Variants in WDPCP observed in about 807,000 individuals in gnomAD.
The protein encoded by WDPCP is WD repeat containing planar cell polarity effector, also known as WD repeat-containing and planar cell polarity effector protein fritz homolog.
Under a neutral mutation model 93.1 loss-of-function variants are expected in WDPCP, and 71 were observed. The observed-to-expected ratio is 0.76, with a 90% CI of 0.63 to 0.93. WDPCP has a LOEUF of 0.93. Ranked by LOEUF, WDPCP falls within the 40% of genes least tolerant of loss-of-function variation. The pLI, the probability that WDPCP is intolerant of heterozygous loss-of-function variation, is 0.00. For missense variants in WDPCP, 844 were observed against 887.4 expected (o/e 0.95, Z 0.62); for synonymous variants, 315 against 315.0 (o/e 1.00, Z 0.00).
intron 3 of WDPCP, among the ~76,000 whole-genome samples, chr2:63,633,391 A>G (rs1709885088): frequency 2.0e-5 from 3 of 152,244 alleles, no homozygotes; most frequent in Admixed American, 2.0e-4. Flanking sequence ...CTAAAGCTAC[A>G]TTAATTTGTT....
chr2:63,561,050 C>T (rs1448709869), intron 1 of WDPCP, among the ~76,000 whole-genome samples: 1 of 152,158 alleles, frequency 6.6e-6, no homozygotes, highest in Admixed American at 6.5e-5. Flanking sequence ...CTTTCCTACA[C>T]CTTATGCAAA....
In WDPCP at chr2:63,396,987, C is replaced by G. The variant is rs1473776082; in HGVS notation, c.1435+7061G>C. 2.0e-5 allele frequency among the ~76,000 whole-genome samples: 3 copies of G among 152,130 alleles called. No homozygotes were observed. The East Asian group carries it at 5.8e-4, about 29-fold the overall frequency. On this transcript the variant is annotated intron_variant, in intron 10 of 17. Transcript: ENST00000272321. The stretch of plus-strand genomic sequence containing the variant: ...TCTCCATCCATGTTCCCACAAAAGA[C>G]ATGAAGTATTTCAAGCTGGAGAATC...
intron 2 of WDPCP, among the ~76,000 whole-genome samples, chr2:63,668,997 C>A (rs1306203093): frequency 1.3e-5 from 2 of 152,128 alleles, no homozygotes; most frequent in Non-Finnish European, 2.9e-5. Flanking sequence ...TTTGGCTAGA[C>A]CCTGGTCAAC....
intron 2 of WDPCP, among the ~76,000 whole-genome samples, chr2:63,808,405 T>C (rs974943028): frequency 6.8e-6 from 1 of 147,116 alleles, no homozygotes; most frequent in Non-Finnish European, 1.5e-5. Context: ...GAAGCTGGAC[T>C]GTACTGCTGC....
At chr2:63,822,707 A>C (rs1209745087) in intron 1 of WDPCP, among the ~76,000 whole-genome samples, 1 of 151,944 alleles carries the variant, frequency 6.6e-6, no homozygotes, top group African/African-American at 2.4e-5. Flanking sequence ...GCAACATAGC[A>C]AGACCCTGTC....
rs1055592959 is a variant in WDPCP, at chr2:63,484,973, A to C, written c.268T>G (p.Trp90Gly). The C allele has an allele frequency of 6.2e-7, 1 of 1,612,602 alleles. No individual in the cohort carries two copies. Among genetic ancestry groups the C allele is most frequent in the South Asian group, 1.1e-5 (1 of 91,054 alleles). ...TCTGGGCGTCTGTTTTTGAGCGTCCAAGGATAATCTCGTGCTGGCAAATAA... is the reference window on the plus strand; with the variant it reads ...TCTGGGCGTCTGTTTTTGAGCGTCCCAGGATAATCTCGTGCTGGCAAATAA... The part of the protein sequence containing the change: ...QKLAESRDYP[W>G]TLKNRRPEKL... The change falls in exon 5 of 18, where the codon TGG (tryptophan) becomes GGG (glycine). Residue 90 changes from tryptophan (W) to glycine (G), a missense_variant. By Grantham distance (184) the Trp-to-Gly change is radical. Coordinates refer to ENST00000272321, the MANE Select transcript of WDPCP (RefSeq NM_015910.7).
intron 13 of WDPCP, among the ~76,000 whole-genome samples, chr2:63,269,752 G>A (rs1025476479): frequency 1.3e-5 from 2 of 152,140 alleles, no homozygotes; most frequent in African/African-American, 2.4e-5. Flanking sequence ...TATGATTACT[G>A]TGTTCTTGTC....
At chr2:63,489,681 T>G (rs1252259280) in intron 2 of WDPCP, among the ~76,000 whole-genome samples, 1 of 152,010 alleles carries the variant, frequency 6.6e-6, no homozygotes, top group Non-Finnish European at 1.5e-5. Context: ...TCTGGCCACA[T>G]CAGGGACAAT....
intron 17 of WDPCP, among the ~76,000 whole-genome samples, chr2:63,123,207 T>C (rs1669669219): frequency 6.6e-6 from 1 of 152,148 alleles, no homozygotes; most frequent in Non-Finnish European, 1.5e-5. Context: ...AAGCTTCAAC[T>C]CTTGGCTTAT....
intron 15 of WDPCP, among the ~76,000 whole-genome samples, chr2:63,169,370 CTG>C (rs1201646968): frequency 6.6e-6 from 1 of 152,180 alleles, no homozygotes; most frequent in East Asian, 1.9e-4. Flanking sequence ...TTTTTGAAAA[CTG>C]TAGTTCTGCT....
intron 3 of WDPCP, chr2:63,642,372 G>T (rs898449718): frequency 2.0e-5 from 3 of 151,708 alleles, no homozygotes; most frequent in African/African-American, 7.3e-5. Flanking sequence ...TTTTGATAAG[G>T]ATTGCATTGA....
intron 15 of WDPCP, among the ~76,000 whole-genome samples, chr2:63,172,996 T>C (rs1673513745): frequency 6.6e-6 from 1 of 152,074 alleles, no homozygotes; most frequent in Non-Finnish European, 1.5e-5. Flanking sequence ...GTGTGGTTGC[T>C]CATGCCTGTA....
intron 3 of WDPCP, among the ~76,000 whole-genome samples, chr2:63,647,996 A>G (rs556335979): frequency 6.6e-6 from 1 of 152,274 alleles, no homozygotes; most frequent in African/African-American, 2.4e-5. Context: ...CTTCTTACTG[A>G]TGCATGAATT....
At chr2:63,739,734 G>A (rs1197285836) in intron 2 of WDPCP, among the ~76,000 whole-genome samples, 1 of 151,988 alleles carries the variant, frequency 6.6e-6, no homozygotes, top group Non-Finnish European at 1.5e-5. Flanking sequence ...AACCTTGCCA[G>A]TATCTGTTAT....
chr2:63,545,131 T>A (rs890475693), intron 1 of WDPCP, among the ~76,000 whole-genome samples: 1 of 152,156 alleles, frequency 6.6e-6, no homozygotes, highest in Admixed American at 6.6e-5. Flanking sequence ...CTATTCCTTT[T>A]CTAGCAGCAG....
At chr2:63,263,155 T>C (rs1349467815) in intron 13 of WDPCP, among the ~76,000 whole-genome samples, 1 of 152,180 alleles carries the variant, frequency 6.6e-6, no homozygotes, top group African/African-American at 2.4e-5. Flanking sequence ...AAGACATATC[T>C]AGTATCTATA....
intron 2 of WDPCP, among the ~76,000 whole-genome samples, chr2:63,810,867 AT>A (rs1322474890): frequency 6.6e-6 from 1 of 152,240 alleles, no homozygotes; most frequent in Non-Finnish European, 1.5e-5. Context: ...CCCTGAAGCA[AT>A]TTGACTGTAC....
chr2:63,153,433 G>C (rs1233927313), intron 16 of WDPCP, 62 bp downstream of exon 16: 2 of 1,291,832 alleles, frequency 1.5e-6, no homozygotes, highest in Non-Finnish European at 2.2e-6. Context: ...GAAAGTTCTT[G>C]CAAGCTATAA....
In WDPCP at chr2:63,187,698, T is replaced by C. The variant is rs574378157; in HGVS notation, c.1916-12866A>G. ...ACATAGATTTATAATTGTGTGTGTC[T>C]GTGATTTACTCATTTAGACTTGTAT... is the stretch of plus-strand genomic sequence containing the variant. On this transcript the variant is annotated intron_variant, in intron 14 of 17. Coordinates refer to ENST00000272321, the MANE Select transcript of WDPCP (RefSeq NM_015910.7). 6.2e-4 allele frequency among the ~76,000 whole-genome samples: 94 copies of C among 152,354 alleles called. 1 individual carries two copies. The South Asian group carries it at 0.019, about 32-fold the overall frequency.
Sources: allele counts gnomAD v4.1 joint callset (sites outside exome capture counted in the v4.1 genomes callset), GRCh38; gene constraint gnomAD v4.1.1; transcripts MANE v1.5; gene names NCBI Gene and HGNC (gene_info 2026-07-23, HGNC 2026-07-21).